IMMP2L: variants seen among roughly 807,000 people sequenced by gnomAD.
The protein encoded by IMMP2L is mitochondrial inner membrane protease subunit 2.
Under a neutral mutation model 19.3 loss-of-function variants are expected in IMMP2L, and 18 were observed. That is an observed-to-expected ratio of 0.93 (90% CI 0.64 to 1.38). The LOEUF is 1.38. Among genes scored for constraint, IMMP2L ranks in the 40% most tolerant of loss-of-function variants. IMMP2L has a pLI of 0.00. For synonymous variants in IMMP2L, 76 were observed against 73.0 expected (o/e 1.04, Z -0.21); for missense variants, 233 against 218.2 (o/e 1.07, Z -0.43).
chr7:111,184,589 C>G (rs564256833), intron 3 of IMMP2L, among the ~76,000 whole-genome samples: 1 of 152,184 alleles, frequency 6.6e-6, no homozygotes, highest in Non-Finnish European at 1.5e-5. Context: ...ACCAGTACTA[C>G]AAAAGCAGTT....
At chr7:110,768,682 G>A (rs1198389067) in intron 5 of IMMP2L, among the ~76,000 whole-genome samples, 1 of 152,114 alleles carries the variant, frequency 6.6e-6, no homozygotes, top group Non-Finnish European at 1.5e-5. Flanking sequence ...TCTCAGTGCA[G>A]ACATCACTGC....
chr7:110,750,682 T>C (rs1366139095), intron 5 of IMMP2L, among the ~76,000 whole-genome samples: 1 of 152,032 alleles, frequency 6.6e-6, no homozygotes, highest in Non-Finnish European at 1.5e-5. Context: ...GCCTGCCCCA[T>C]GCTAGACACT....
At chr7:110,943,622 A>G (rs981650938) in intron 4 of IMMP2L, among the ~76,000 whole-genome samples, 2 of 151,776 alleles carry the variant, frequency 1.3e-5, no homozygotes, top group Non-Finnish European at 2.9e-5. Context: ...TCCCTGCAGG[A>G]AAAAAAATAT....
chr7:111,426,420 A>T (rs2131642681), intron 3 of IMMP2L, among the ~76,000 whole-genome samples: 1 of 150,704 alleles, frequency 6.6e-6, no homozygotes, highest in African/African-American at 2.5e-5. Flanking sequence ...GGTTTTTTGC[A>T]ATAACATGTT....
At chr7:111,411,955 A>T (rs1349660694) in intron 3 of IMMP2L, 1 of 157,788 alleles carries the variant, frequency 6.3e-6, no homozygotes, top group East Asian at 1.7e-4. Context: ...AATTGTTGTG[A>T]CGATTTGTAA....
At position 111,464,420 on chromosome 7, in the gene IMMP2L, T is replaced by C. The variant is rs555914381; in HGVS notation, c.239+22818A>G. 2.0e-5 allele frequency among the ~76,000 whole-genome samples: 3 copies of C among 152,236 alleles called. No individual in the cohort carries two copies. The East Asian group carries it at 5.8e-4, about 29-fold the overall frequency. Reference sequence around the variant, plus strand: ...ATTACTTGAGCCCAGGAGCTGAATATTACAGTGAGCTATGACCATGCCACT... The same window carrying C: ...ATTACTTGAGCCCAGGAGCTGAATACTACAGTGAGCTATGACCATGCCACT... On this transcript the variant is annotated intron_variant, in intron 3 of 5. Transcript: ENST00000405709.
Position 110,663,688 on chromosome 7 carries a change from G to T in IMMP2L, c.442C>A (p.His148Asn), listed in dbSNP as rs768234526. The T allele has an allele frequency of 6.2e-7, 1 of 1,601,006 alleles. No individual in the cohort carries two copies. Among genetic ancestry groups the T allele is most frequent in the South Asian group, 1.1e-5 (1 of 89,982 alleles). Residue 148 changes from histidine to asparagine, a missense_variant, in exon 6 of 6, where the codon CAT (histidine) becomes AAT (asparagine). Coordinates refer to ENST00000405709, the MANE Select transcript of IMMP2L (RefSeq NM_032549.4). ...SLGLLHAHAT[H>N]ILWPPERWQK... ...CAGCGCTCTGGGGGCCACAGGATAT[G>T]TGTGGCATGGGCATGCAGAAGTCCT...
At chr7:110,670,146 G>A (rs1159356332) in intron 5 of IMMP2L, among the ~76,000 whole-genome samples, 2 of 152,148 alleles carry the variant, frequency 1.3e-5, no homozygotes, top group Non-Finnish European at 2.9e-5. Flanking sequence ...TACGAGAAGA[G>A]GAGATTATGA....
chr7:111,152,367 C>G (rs185756114), intron 3 of IMMP2L, among the ~76,000 whole-genome samples: 53 of 152,116 alleles, frequency 3.5e-4, no homozygotes, highest in Admixed American at 5.9e-4. Flanking sequence ...TCCTTAGGCT[C>G]TTCCTCAATT....
chr7:111,520,774 A>G (rs1846257300), intron 2 of IMMP2L, among the ~76,000 whole-genome samples: 1 of 152,142 alleles, frequency 6.6e-6, no homozygotes, highest in Non-Finnish European at 1.5e-5. Flanking sequence ...CCAGAAGACT[A>G]TTTGCATAAA....
chr7:111,149,635 A>T (rs553392797), intron 3 of IMMP2L, among the ~76,000 whole-genome samples: 1 of 152,290 alleles, frequency 6.6e-6, no homozygotes, highest in East Asian at 1.9e-4. Context: ...AAATTGTTGC[A>T]AATGTCCAAA....
chr7:110,966,757 T>C (rs1340725291), intron 3 of IMMP2L, among the ~76,000 whole-genome samples: 2 of 152,002 alleles, frequency 1.3e-5, no homozygotes, highest in Non-Finnish European at 2.9e-5. Context: ...AAAATCTATA[T>C]CTATATTTTA....
At chr7:111,358,476 T>TAG (rs1258294414) in intron 3 of IMMP2L, among the ~76,000 whole-genome samples, 1 of 151,990 alleles carries the variant, frequency 6.6e-6, no homozygotes. Flanking sequence ...CTTGGCTTCT[T>TAG]CCCTAACACA....
At chr7:111,133,150 C>T (rs991399934) in intron 3 of IMMP2L, among the ~76,000 whole-genome samples, 1 of 151,846 alleles carries the variant, frequency 6.6e-6, no homozygotes, top group African/African-American at 2.4e-5. Context: ...TACTGTGTAC[C>T]AGACAAAATA....
At chr7:110,674,679 G>A (rs1792167973) in intron 5 of IMMP2L, among the ~76,000 whole-genome samples, 1 of 152,130 alleles carries the variant, frequency 6.6e-6, no homozygotes, top group Non-Finnish European at 1.5e-5. Flanking sequence ...TTGAAATGTT[G>A]TTCTAAAATA....
At chr7:111,395,373 A>C (rs1433474854) in intron 3 of IMMP2L, among the ~76,000 whole-genome samples, 6 of 152,222 alleles carry the variant, frequency 3.9e-5, no homozygotes, top group Admixed American at 3.9e-4. Flanking sequence ...TCAATAAAAA[A>C]TTTTAGTCCA....
Position 110,928,351 on chromosome 7 carries a change from G to GCACACACACA in IMMP2L, c.305+35139_305+35148dup, listed in dbSNP as rs58639346. On this transcript the variant is annotated intron_variant, in intron 4 of 5. Transcript: ENST00000405709. ...TAGGTACATATGTGTATATGTACCT[G>GCACACACACA]CACACACACACACACACACACACAC... Among the ~76,000 whole-genome samples, 252 of 117,108 alleles carry GCACACACACA rather than the reference G, an allele frequency of 2.2e-3. 3 individuals carry two copies. Among genetic ancestry groups the GCACACACACA allele is most frequent in the Non-Finnish European group, 3.4e-3 (191 of 56,544 alleles). 76.8% of individuals were successfully genotyped at this position (117,108 alleles called of 152,430 possible).
intron 3 of IMMP2L, among the ~76,000 whole-genome samples, chr7:111,326,650 C>G (rs1379838592): frequency 6.6e-6 from 1 of 151,746 alleles, no homozygotes; most frequent in African/African-American, 2.4e-5. Context: ...TATATCAATT[C>G]ACACCTGCTA....
chr7:111,521,509 A>G (rs1007964168), intron 1 of IMMP2L, 60 bp from the exon 2 acceptor site: 1 of 1,480,752 alleles, frequency 6.8e-7, no homozygotes, highest in Admixed American at 2.1e-5. Flanking sequence ...AAACAAAGAC[A>G]TAAAAACAGT....
Sources: gnomAD v4.1 joint callset for allele counts (sites outside exome capture counted in the v4.1 genomes callset) on GRCh38, gnomAD v4.1.1 for gene constraint, MANE v1.5 for transcripts, NCBI Gene and HGNC (gene_info 2026-07-23, HGNC 2026-07-21) for gene names.